The following CCDC88C variants were observed in gnomAD, a reference collection of about 807,000 sequenced individuals.
The protein encoded by CCDC88C is protein Daple.
CCDC88C carries 131 observed loss-of-function variants against 198.8 expected under a neutral mutation model. That is an observed-to-expected ratio of 0.66 (90% CI 0.57 to 0.76). The LOEUF (loss-of-function observed/expected upper bound fraction) is 0.76. Ranked by LOEUF, CCDC88C falls within the 30% of genes least tolerant of loss-of-function variation. CCDC88C has a pLI of 0.00. For missense variants in CCDC88C, 2,553 were observed against 2,631.6 expected, an observed-to-expected ratio of 0.97 and a Z score of 0.65; for synonymous variants, 1,166 against 1,114.7, an observed-to-expected ratio of 1.05 and a Z score of -0.92.
intron 27 of CCDC88C, 33 bp from the exon 28 acceptor site, chr14:91,279,339 G>C: frequency 6.5e-7 from 1 of 1,548,336 alleles, no homozygotes; most frequent in East Asian, 2.3e-5. Context: ...AAATTAAAAA[G>C]CCAATGACCA....
intron 4 of CCDC88C, among the ~76,000 whole-genome samples, chr14:91,349,028 G>A (rs1218949291): frequency 6.6e-6 from 1 of 152,118 alleles, no homozygotes; most frequent in Non-Finnish European, 1.5e-5. Context: ...AAGAAAAACC[G>A]CTATTTCCAT....
chr14:91,416,432 T>A (rs1206033034), intron 2 of CCDC88C, among the ~76,000 whole-genome samples: 1 of 152,236 alleles, frequency 6.6e-6, no homozygotes, highest in Middle Eastern at 3.2e-3. Context: ...CTTTTTCATT[T>A]CATTGCTCAA....
intron 22 of CCDC88C, among the ~76,000 whole-genome samples, chr14:91,295,844 A>G (rs1431816818): frequency 6.6e-6 from 1 of 152,136 alleles, no homozygotes; most frequent in African/African-American, 2.4e-5. Context: ...GTCCATAAAG[A>G]GGCCATTAAG....
intron 3 of CCDC88C, chr14:91,378,628 C>T (rs1256223128): frequency 6.8e-6 from 1 of 146,728 alleles, no homozygotes; most frequent in Non-Finnish European, 1.5e-5. Flanking sequence ...ATGAGAAGTA[C>T]ACATTCCCAT....
chr14:91,319,043 C>T (rs1160044324), intron 13 of CCDC88C, among the ~76,000 whole-genome samples: 2 of 151,798 alleles, frequency 1.3e-5, no homozygotes. Flanking sequence ...GAGGGAAATT[C>T]AGGATGAGCT....
At chr14:91,354,141 G>A (rs538729786) in intron 4 of CCDC88C, among the ~76,000 whole-genome samples, 7 of 152,268 alleles carry the variant, frequency 4.6e-5, no homozygotes, top group Admixed American at 3.3e-4. Flanking sequence ...AAATGGCTTC[G>A]GTGGGATCGG....
In CCDC88C at chr14:91,272,554, A is replaced by C. The variant is rs1424292540; in HGVS notation, c.*71T>G. 2.0e-6 allele frequency: 3 copies of C among 1,483,988 alleles called. No homozygotes were observed. The highest frequency in any genetic ancestry group is 9.1e-7 in the Non-Finnish European group (1 of 1,100,980). 91.9% of individuals were successfully genotyped at this position (1,483,988 alleles called of 1,614,324 possible). A position where few individuals can be genotyped will look rare whatever the true frequency, so the allele number is the denominator to read the frequency against. ...CCCTCTCCTGGCACCGCAGGCAAGC[A>C]AGAGAAAAGGCCGTGAGAGTCGGAA... On this transcript the variant is annotated 3_prime_UTR_variant, in exon 30 of 30. Transcript: ENST00000389857.
chr14:91,360,252 T>TCTCACACACACA (rs1436609846), intron 3 of CCDC88C, among the ~76,000 whole-genome samples: 2 of 144,312 alleles, frequency 1.4e-5, no homozygotes, highest in South Asian at 2.3e-4. Context: ...GACCCCATCT[T>TCTCACACACACA]CACACACACA....
chr14:91,281,495 G>A lies in CCDC88C; in HGVS notation c.4661C>T (p.Pro1554Leu), dbSNP rs752890805. 6.2e-7 allele frequency: 1 copy of A among 1,613,954 alleles called. No individual in the cohort carries two copies. Among genetic ancestry groups the A allele is most frequent in the South Asian group, 1.1e-5 (1 of 91,074 alleles). The change falls in exon 27 of 30, where the codon CCA becomes CTA. Residue 1554 changes from proline (P) to leucine (L), a missense_variant. Pro to Leu is a moderately conservative substitution (Grantham distance 98). Coordinates refer to ENST00000389857, the MANE Select transcript of CCDC88C (RefSeq NM_001080414.4). ...GTTGGGGACCTCAAACTCCAGGGAT[G>A]GCTCACAGAGGTTGTCATCTGAGTT... ...GYNSDDNLCE[P>L]SLEFEVPNHR...
intron 4 of CCDC88C, among the ~76,000 whole-genome samples, chr14:91,354,402 C>T (rs1893950782): frequency 6.6e-6 from 1 of 152,226 alleles, no homozygotes; most frequent in African/African-American, 2.4e-5. Context: ...CCAGCATCCT[C>T]CCTCACAGCA....
chr14:91,272,372 G>T lies in CCDC88C; in HGVS notation c.*253C>A. On this transcript the variant is annotated 3_prime_UTR_variant, in exon 30 of 30. Transcript: ENST00000389857. ...CATCCTAATTGGTCCCCATGCTGAC[G>T]TGGATTATTTGTTCCAAAGATATCA... 1.9e-6 allele frequency: 1 copy of T among 517,524 alleles called. No homozygotes were observed. Among genetic ancestry groups the T allele is most frequent in the Non-Finnish European group, 3.4e-6 (1 of 292,814 alleles). The allele number at this position is 517,524 out of a possible 1,614,324, so 32.1% of individuals were successfully genotyped here.
At chr14:91,290,968 T>C (rs1470894100) in intron 24 of CCDC88C, 27 bp downstream of exon 24, 2 of 1,375,720 alleles carry the variant, frequency 1.5e-6, no homozygotes, top group Non-Finnish European at 2.0e-6. Context: ...GTTCTGTCTT[T>C]ATGCCACTAC....
Position 91,303,691 on chromosome 14 carries a change from C to T in CCDC88C, c.3635+10G>A. 1 of 1,564,824 alleles carries T rather than the reference C, an allele frequency of 6.4e-7. No homozygotes were observed. The highest frequency in any genetic ancestry group is 8.7e-7 in the Non-Finnish European group (1 of 1,152,552). Reference sequence around the variant, plus strand: ...CCCTCCCCAGATCCCCTTCCTTCCCCAGGCCCTACCTCTCCCCGAGCTCCT... The same window carrying T: ...CCCTCCCCAGATCCCCTTCCTTCCCTAGGCCCTACCTCTCCCCGAGCTCCT... On this transcript the variant is annotated intron_variant, in intron 20 of 29. Transcript: ENST00000389857.
intron 2 of CCDC88C, among the ~76,000 whole-genome samples, chr14:91,409,025 G>A (rs564455383): frequency 2.9e-4 from 44 of 152,168 alleles, no homozygotes; most frequent in East Asian, 1.3e-3. Flanking sequence ...CATTCCCACC[G>A]TTCCTAGCAC....
In CCDC88C at chr14:91,297,490, C is replaced by A. The variant is rs868388531; in HGVS notation, c.3781G>T (p.Val1261Phe). 6 of 1,553,884 alleles carry A rather than the reference C, an allele frequency of 3.9e-6. No homozygotes were observed. The African/African-American group carries it at 6.8e-5, about 18-fold the overall frequency. Residue 1261 changes from valine to phenylalanine, a missense_variant and splice_region_variant, in exon 22 of 30, where the codon GTC (valine) becomes TTC (phenylalanine). Transcript: ENST00000389857. ...TTCAGCTGGTGGTGCAGGAAATTGA[C>A]CCTGGAGGAGGAAGAGTCACAGGGC... Reference protein sequence around the residue: ...NQRLRGELDRVNFLHHQLKGE... With the variant: ...NQRLRGELDRFNFLHHQLKGE...
chr14:91,305,766 T>C lies in CCDC88C; in HGVS notation c.3356A>G (p.Gln1119Arg). ...TTLQTQTAKL[Q>R]VENSTLSSQS... is the part of the protein sequence containing the mutation. ...ACTGGTGTTGGGAGCCCCGCTCACCTGCAGCTTGGCGGTCTGGGTCTGCAG... is the reference window on the plus strand; with the variant it reads ...ACTGGTGTTGGGAGCCCCGCTCACCCGCAGCTTGGCGGTCTGGGTCTGCAG... The change falls in exon 19 of 30, where the codon CAG becomes CGG. Residue 1119 changes from glutamine (Q) to arginine (R), a missense_variant and splice_region_variant. Coordinates refer to ENST00000389857, the MANE Select transcript of CCDC88C (RefSeq NM_001080414.4). 1 of 1,598,666 alleles carries C rather than the reference T, an allele frequency of 6.3e-7. No individual in the cohort carries two copies. The highest frequency in any genetic ancestry group is 2.3e-5 in the East Asian group (1 of 44,424).
intron 4 of CCDC88C, 107 bp downstream of exon 4, chr14:91,359,535 T>C: frequency 1.2e-6 from 1 of 824,220 alleles, no homozygotes; most frequent in Non-Finnish European, 2.0e-6. Context: ...TCACGTGTTT[T>C]CACTGTGCTG....
chr14:91,367,346 A>G (rs1894590191), intron 3 of CCDC88C, among the ~76,000 whole-genome samples: 1 of 152,234 alleles, frequency 6.6e-6, no homozygotes, highest in East Asian at 1.9e-4. Flanking sequence ...AGAGCCTTCC[A>G]CACAGCCAAA....
intron 3 of CCDC88C, among the ~76,000 whole-genome samples, chr14:91,372,064 A>G (rs992202930): frequency 6.6e-6 from 1 of 152,108 alleles, no homozygotes; most frequent in Non-Finnish European, 1.5e-5. Context: ...CCGAGTGACC[A>G]GGCCTCCTTG....
Sources: allele counts gnomAD v4.1 joint callset (sites outside exome capture counted in the v4.1 genomes callset), GRCh38; gene constraint gnomAD v4.1.1; transcripts MANE v1.5; gene names NCBI Gene and HGNC (gene_info 2026-07-23, HGNC 2026-07-21).